Variants in ECHDC1 observed in about 807,000 individuals in gnomAD.
The protein encoded by ECHDC1 is ethylmalonyl-CoA decarboxylase.
ECHDC1 carries 29 observed loss-of-function variants against 29.7 expected under a neutral mutation model. That is an observed-to-expected ratio of 0.98 (90% confidence interval 0.73 to 1.33). ECHDC1 has a LOEUF of 1.33. ECHDC1 is among the 40% of genes most tolerant of loss of function. The pLI, the probability that ECHDC1 is intolerant of heterozygous loss-of-function variation, is 0.00. For synonymous variants in ECHDC1, 126 were observed against 123.1 expected, an observed-to-expected ratio of 1.02 and a Z score of -0.15; for missense variants, 328 against 350.0, an observed-to-expected ratio of 0.94 and a Z score of 0.50.
chr6:127,293,222 T>C (rs1044096668), intron 5 of ECHDC1, among the ~76,000 whole-genome samples: 1 of 152,166 alleles, frequency 6.6e-6, no homozygotes, highest in African/African-American at 2.4e-5. Flanking sequence ...AAGAACATTC[T>C]AAAAAGAAAT....
At chr6:127,300,675 T>A (rs1433342738) in intron 5 of ECHDC1, among the ~76,000 whole-genome samples, 14 of 152,232 alleles carry the variant, frequency 9.2e-5, no homozygotes, top group African/African-American at 3.4e-4. Context: ...CTTCAGTCCT[T>A]CAAGTGCATG....
intron 5 of ECHDC1, chr6:127,313,168 T>C (rs1284001098): frequency 6.5e-6 from 1 of 153,818 alleles, no homozygotes; most frequent in African/African-American, 2.4e-5. Context: ...AATGGATTCA[T>C]TTTATTGTAT....
intron 1 of ECHDC1, among the ~76,000 whole-genome samples, chr6:127,331,622 G>GA (rs1479092478): frequency 2.0e-5 from 3 of 152,126 alleles, no homozygotes; most frequent in East Asian, 1.9e-4. Flanking sequence ...GGAAAGCTTA[G>GA]AAAAAATGCT....
intron 3 of ECHDC1, among the ~76,000 whole-genome samples, chr6:127,318,825 A>G (rs1402273234): frequency 6.6e-6 from 1 of 152,240 alleles, no homozygotes; most frequent in African/African-American, 2.4e-5. Context: ...AAGAAAAAGT[A>G]AAAGCCAATG....
chr6:127,319,916 C>T (rs1223044988), intron 3 of ECHDC1, among the ~76,000 whole-genome samples: 1 of 152,166 alleles, frequency 6.6e-6, no homozygotes, highest in East Asian at 1.9e-4. Flanking sequence ...AATGCCCAGC[C>T]TGTAGAAGTA....
intron 1 of ECHDC1, among the ~76,000 whole-genome samples, chr6:127,339,167 A>G (rs1010066616): frequency 1.3e-5 from 2 of 151,754 alleles, no homozygotes; most frequent in Non-Finnish European, 2.9e-5. Flanking sequence ...ATTACAGCCT[A>G]TAGATATCTG....
chr6:127,319,392 A>G (rs1422505578), intron 3 of ECHDC1, among the ~76,000 whole-genome samples: 1 of 152,238 alleles, frequency 6.6e-6, no homozygotes, highest in African/African-American at 2.4e-5. Context: ...TGTCTGACAT[A>G]CAGTAAGAGA....
chr6:127,341,508 T>G (rs148960973), intron 1 of ECHDC1: 33 of 152,304 alleles, frequency 2.2e-4, no homozygotes, highest in Non-Finnish European at 4.0e-4. Flanking sequence ...GATGAAAAGG[T>G]TCTGAAGCAT....
Position 127,290,306 on chromosome 6 carries a change from G to T in ECHDC1, c.498-29C>A, listed in dbSNP as rs111632438. On this transcript the variant is annotated intron_variant, in intron 5 of 5. Coordinates refer to ENST00000454859, the MANE Select transcript of ECHDC1 (RefSeq NM_001002030.2). ...TAAAAGAAAAAAGAAAAGCTTAATT[G>T]TAACTCTCTCTGTATGCTCTAATCA... The T allele has an allele frequency of 3.5e-5, 55 of 1,591,316 alleles. 1 individual carries two copies. The African/African-American group carries it at 4.6e-4, about 13-fold the overall frequency.
At chr6:127,330,447 T>G (rs1783818576) in intron 2 of ECHDC1, among the ~76,000 whole-genome samples, 1 of 152,216 alleles carries the variant, frequency 6.6e-6, no homozygotes. Flanking sequence ...TCTCTTTAGT[T>G]TCAGGAACTC....
chr6:127,294,555 A>G (rs189364075), intron 5 of ECHDC1: 3 of 152,198 alleles, frequency 2.0e-5, no homozygotes, highest in African/African-American at 7.2e-5. Context: ...TCCATTCATT[A>G]TATGCAAACA....
rs1276393246 is a variant in ECHDC1, at chr6:127,289,570, T to C, written c.*299A>G. The C allele has an allele frequency of 4.0e-5, 10 of 250,976 alleles. No homozygotes were observed. Among genetic ancestry groups the C allele is most frequent in the Non-Finnish European group, 6.8e-5 (9 of 131,500 alleles). 15.5% of individuals were successfully genotyped at this position (250,976 alleles called of 1,614,324 possible). The stretch of plus-strand genomic sequence containing the variant: ...AGGAATAGGTTTTGTATAGAAGCTC[T>C]CCTTTTAAACACTGCTCTTTGGTTA... On this transcript the variant is annotated 3_prime_UTR_variant, in exon 6 of 6. Coordinates refer to ENST00000454859, the MANE Select transcript of ECHDC1 (RefSeq NM_001002030.2).
intron 5 of ECHDC1, among the ~76,000 whole-genome samples, chr6:127,290,635 G>A (rs1780085009): frequency 6.6e-6 from 1 of 152,070 alleles, no homozygotes; most frequent in East Asian, 1.9e-4. Context: ...AAAACAAACC[G>A]AAAAGCATAG....
chr6:127,325,110 C>A (rs542856799), intron 3 of ECHDC1, among the ~76,000 whole-genome samples: 1 of 152,186 alleles, frequency 6.6e-6, no homozygotes, highest in Non-Finnish European at 1.5e-5. Context: ...ACAGCATATT[C>A]CCTTGATGTG....
chr6:127,326,531 G>T lies in ECHDC1; in HGVS notation c.363+471C>A, dbSNP rs1486652687. On this transcript the variant is annotated intron_variant, in intron 3 of 5. Coordinates refer to ENST00000454859, the MANE Select transcript of ECHDC1 (RefSeq NM_001002030.2). ...TAAGATGTTAATAAAAGGGGAAACT[G>T]GATGCAGGGTGTACAGGAACTCTGT... 6.6e-6 allele frequency: 3 copies of T among 454,740 alleles called. No homozygotes were observed. In the Admixed American group the frequency reaches 7.1e-5, roughly 11 times the overall value. The allele number at this position is 454,740 out of a possible 1,614,324, so 28.2% of individuals were successfully genotyped here. A position where few individuals can be genotyped will look rare whatever the true frequency, so the allele number is the denominator to read the frequency against.
intron 5 of ECHDC1, among the ~76,000 whole-genome samples, chr6:127,306,884 C>T (rs1184822643): frequency 6.6e-6 from 1 of 152,214 alleles, no homozygotes; most frequent in Non-Finnish European, 1.5e-5. Context: ...ACATTCTTTT[C>T]CTCAGCACAT....
At chr6:127,300,885 AGTTT>A (rs1781003406) in intron 5 of ECHDC1, among the ~76,000 whole-genome samples, 1 of 152,234 alleles carries the variant, frequency 6.6e-6, no homozygotes, top group African/African-American at 2.4e-5. Flanking sequence ...AATTTGTGGT[AGTTT>A]GTTATAGCAG....
intron 5 of ECHDC1, chr6:127,313,017 T>A (rs1782069338): frequency 6.6e-6 from 1 of 152,146 alleles, no homozygotes; most frequent in Admixed American, 6.5e-5. Context: ...GTGTTTACCT[T>A]GAAATAGAGA....
intron 1 of ECHDC1, among the ~76,000 whole-genome samples, chr6:127,338,984 G>T (rs1784676973): frequency 6.6e-6 from 1 of 152,082 alleles, no homozygotes; most frequent in Non-Finnish European, 1.5e-5. Flanking sequence ...CTCTAGGTAT[G>T]TGTGCTACAT....
Sources: gnomAD v4.1 joint callset for allele counts (sites outside exome capture counted in the v4.1 genomes callset) on GRCh38, gnomAD v4.1.1 for gene constraint, MANE v1.5 for transcripts, NCBI Gene and HGNC (gene_info 2026-07-23, HGNC 2026-07-21) for gene names.